The following IQSEC3 variants were observed in gnomAD, a reference collection of about 807,000 sequenced individuals.
The protein encoded by IQSEC3 is IQ motif and SEC7 domain-containing protein 3.
Under a neutral mutation model 105.4 loss-of-function variants are expected in IQSEC3, and 50 were observed. The ratio of observed to expected loss-of-function variants is 0.47; its 90% CI spans 0.38 to 0.60. The LOEUF is 0.60. IQSEC3 is among the 20% of genes least tolerant of loss of function. The pLI is 0.00. For synonymous variants in IQSEC3, 708 were observed against 746.0 expected, an observed-to-expected ratio of 0.95 and a Z score of 0.83; for missense variants, 1,415 against 1,630.0, an observed-to-expected ratio of 0.87 and a Z score of 2.27.
At chr12:115,901 G>A (rs1243685122) in intron 2 of IQSEC3, among the ~76,000 whole-genome samples, 1 of 152,154 alleles carries the variant, frequency 6.6e-6, no homozygotes, top group African/African-American at 2.4e-5. Context: ...AGCACATCTC[G>A]ATTTAGAGAA....
chr12:114,143 T>G (rs1010423295), intron 2 of IQSEC3, among the ~76,000 whole-genome samples: 1 of 152,234 alleles, frequency 6.6e-6, no homozygotes, highest in Non-Finnish European at 1.5e-5. Flanking sequence ...TAGTAAGGAC[T>G]GCATACGTGC....
At position 177,078 on chromosome 12, in the gene IQSEC3, G is replaced by A. The variant is rs957332003; in HGVS notation, c.*2045G>A. The A allele has an allele frequency of 6.6e-6, 1 of 152,262 alleles. No homozygotes were observed. The highest frequency in any genetic ancestry group is 1.9e-4 in the East Asian group (1 of 5,192). 9.4% of individuals were successfully genotyped at this position (152,262 alleles called of 1,614,324 possible). On this transcript the variant is annotated 3_prime_UTR_variant, in exon 14 of 14. Coordinates refer to ENST00000538872, the MANE Select transcript of IQSEC3 (RefSeq NM_001170738.2). This position sits in a 1 kb window ranked among gnomAD's most constrained non-coding sequence, Gnocchi z 5.3. ...ACTATGAGCTAAATATACTTATGGGGTGGGGGCCGTGGGGGCCAGGGACAC... is the reference window on the plus strand; with the variant it reads ...ACTATGAGCTAAATATACTTATGGGATGGGGGCCGTGGGGGCCAGGGACAC...
chr12:178,255 T>G lies in IQSEC3; in HGVS notation c.*3222T>G, dbSNP rs867356713. On this transcript the variant is annotated 3_prime_UTR_variant, in exon 14 of 14. Coordinates refer to ENST00000538872, the MANE Select transcript of IQSEC3 (RefSeq NM_001170738.2). ...GACCATCTGTCTGTCCGTCCCTGTTTTTGCTGTACATAACTCCTGCTGCAC... is the reference window on the plus strand; with the variant it reads ...GACCATCTGTCTGTCCGTCCCTGTTGTTGCTGTACATAACTCCTGCTGCAC... 6.6e-6 allele frequency: 1 copy of G among 152,154 alleles called. No homozygotes were observed. Among genetic ancestry groups the G allele is most frequent in the African/African-American group, 2.4e-5 (1 of 41,410 alleles). The allele number at this position is 152,154 out of a possible 1,614,324, so 9.4% of individuals were successfully genotyped here.
At chr12:148,389 G>A (rs1866368702) in intron 5 of IQSEC3, 1 of 152,210 alleles carries the variant, frequency 6.6e-6, no homozygotes. Flanking sequence ...CCAGCAAACA[G>A]GGATGCTGCC....
intron 4 of IQSEC3, 75 bp downstream of exon 4, chr12:139,429 C>T: frequency 7.8e-7 from 1 of 1,282,072 alleles, no homozygotes; most frequent in African/African-American, 1.5e-5. Flanking sequence ...CACCTTCCCT[C>T]CACCAAGCAG....
At chr12:147,184 G>A (rs1310940367) in intron 5 of IQSEC3, among the ~76,000 whole-genome samples, 3 of 152,150 alleles carry the variant, frequency 2.0e-5, no homozygotes, top group Admixed American at 1.3e-4. Flanking sequence ...CAGGCCACTC[G>A]GACGTGGGCC....
chr12:107,892 G>A (rs556961771), intron 2 of IQSEC3, among the ~76,000 whole-genome samples: 1 of 152,228 alleles, frequency 6.6e-6, no homozygotes, highest in East Asian at 1.9e-4. Flanking sequence ...CTCCTTGTGA[G>A]TTTGCTTATC....
At chr12:81,121 G>T (rs573167849) in intron 1 of IQSEC3, among the ~76,000 whole-genome samples, 2 of 152,332 alleles carry the variant, frequency 1.3e-5, no homozygotes, top group East Asian at 3.9e-4. Context: ...CACAAATGCT[G>T]ATGGGGCTTG....
At chr12:163,739 C>G (rs1248244411) in intron 9 of IQSEC3, 120 bp downstream of exon 9, 1 of 743,256 alleles carries the variant, frequency 1.3e-6, no homozygotes, top group Non-Finnish European at 2.3e-6. Flanking sequence ...GACAGAATGC[C>G]TGTTCCGTGG....
chr12:93,698 C>G (rs1170734565), intron 1 of IQSEC3, among the ~76,000 whole-genome samples: 1 of 152,164 alleles, frequency 6.6e-6, no homozygotes, highest in African/African-American at 2.4e-5. Context: ...ATGTTTGTCC[C>G]CTCCAAACCT....
chr12:165,405 G>C (rs1346334551), intron 9 of IQSEC3, 29 bp from the exon 10 acceptor site: 1 of 1,558,884 alleles, frequency 6.4e-7, no homozygotes, highest in Non-Finnish European at 8.8e-7. Context: ...CTGTTCATCA[G>C]GGCATGCCTG....
intron 1 of IQSEC3, among the ~76,000 whole-genome samples, chr12:92,656 C>A (rs144158069): frequency 1.2e-4 from 19 of 152,374 alleles, no homozygotes; most frequent in African/African-American, 4.6e-4. Context: ...AAAGGCCCCG[C>A]ATCTCAGGAT....
chr12:166,819 A>G (rs1555098614), intron 11 of IQSEC3: 1 of 152,176 alleles, frequency 6.6e-6, no homozygotes, highest in Non-Finnish European at 1.5e-5. Context: ...CCTACTACAC[A>G]CTAAGCAGTT....
At position 138,502 on chromosome 12, in the gene IQSEC3, C is replaced by T. The variant is rs983293983; in HGVS notation, c.1139C>T (p.Pro380Leu). Residue 380 changes from proline to leucine, a missense_variant, in exon 4 of 14, where the codon CCG (proline) becomes CTG (leucine). Coordinates refer to ENST00000538872, the MANE Select transcript of IQSEC3 (RefSeq NM_001170738.2). The surrounding 1 kb of genome is among the most constrained non-coding windows in gnomAD (Gnocchi z 7.1). ...LMEGYGLVGL[P>L]LVRSPSLPPT... is the part of the protein sequence containing the mutation. ...GAGGGCTACGGCCTCGTGGGGCTGC[C>T]GCTGGTGCGCTCGCCCTCCCTGCCG... 7 of 1,584,486 alleles carry T rather than the reference C, an allele frequency of 4.4e-6. No individual in the cohort carries two copies. The highest frequency in any genetic ancestry group is 2.3e-5 in the East Asian group (1 of 43,508).
chr12:88,916 G>C (rs1863999096), intron 1 of IQSEC3, among the ~76,000 whole-genome samples: 1 of 152,168 alleles, frequency 6.6e-6, no homozygotes. Context: ...TCATTATAAG[G>C]TTTTGCATTT....
At chr12:83,178 A>G (rs191113002) in intron 1 of IQSEC3, among the ~76,000 whole-genome samples, 4 of 152,294 alleles carry the variant, frequency 2.6e-5, no homozygotes, top group Admixed American at 2.0e-4. Context: ...TGAGCGTGGC[A>G]TTGTCATTTA....
chr12:92,966 T>G lies in IQSEC3; in HGVS notation c.555-6180T>G, dbSNP rs192459810. On this transcript the variant is annotated intron_variant, in intron 1 of 13. Transcript: ENST00000538872. Reference sequence around the variant, plus strand: ...AATACTTCCTTTCTTTCTGTCATTTTCACAGATGAAATAAAAGGGCTGGGT... The same window carrying G: ...AATACTTCCTTTCTTTCTGTCATTTGCACAGATGAAATAAAAGGGCTGGGT... 3.6e-3 allele frequency among the ~76,000 whole-genome samples: 547 copies of G among 152,358 alleles called. 4 individuals are homozygous for G. Among genetic ancestry groups the G allele is most frequent in the African/African-American group, 0.012 (490 of 41,592 alleles).
chr12:123,733 G>A (rs1865292583), intron 2 of IQSEC3, among the ~76,000 whole-genome samples: 1 of 151,788 alleles, frequency 6.6e-6, no homozygotes, highest in Non-Finnish European at 1.5e-5. Context: ...GCAGGAAGAG[G>A]TCCCTCCTCT....
rs374825923 is a variant in IQSEC3, at chr12:121,534, C to T, written c.624-4099C>T. Among the ~76,000 whole-genome samples, 3 of 152,290 alleles carry T rather than the reference C, an allele frequency of 2.0e-5. No homozygotes were observed. The South Asian group carries it at 6.2e-4, about 32-fold the overall frequency. ...CATCATGGGTCCCATGTGTTGGTGA[C>T]ACCCAAGACCAAGGCCCTTTCGCTG... On this transcript the variant is annotated intron_variant, in intron 2 of 13. Transcript: ENST00000538872.
Sources: gnomAD v4.1 joint callset for allele counts (sites outside exome capture counted in the v4.1 genomes callset) on GRCh38, gnomAD v4.1.1 for gene constraint, Gnocchi (gnomAD v3.1) non-coding constraint, MANE v1.5 for transcripts, NCBI Gene and HGNC (gene_info 2026-07-23, HGNC 2026-07-21) for gene names.